The following PXK variants were observed in gnomAD, a reference collection of about 807,000 sequenced individuals.
PXK encodes the protein PX domain containing serine/threonine kinase like, also known as PX domain-containing protein kinase-like protein.
A neutral mutation model predicts 84.7 loss-of-function variants in PXK; 35 were observed. The ratio of observed to expected loss-of-function variants is 0.41; its 90% CI spans 0.32 to 0.55. The LOEUF is 0.55. Among genes scored for constraint, PXK ranks in the 20% least tolerant of loss-of-function variants. The pLI is 0.21. For synonymous variants in PXK, 253 were observed against 260.8 expected (o/e 0.97, Z 0.29); for missense variants, 634 against 699.7 (o/e 0.91, Z 1.06).
rs988629641 is a variant in PXK at position 58,421,615 on chromosome 3, A to G, written c.1529-3137A>G. Reference sequence around the variant, plus strand: ...GAACTGGAGGGAGGGACCCTCAGACATCCTGTCCACAAGGCTGTCAAGGGG... The same window carrying G: ...GAACTGGAGGGAGGGACCCTCAGACGTCCTGTCCACAAGGCTGTCAAGGGG... On this transcript the variant is annotated intron_variant, in intron 17 of 17. Coordinates refer to ENST00000356151, the MANE Select transcript of PXK (RefSeq NM_017771.5). The surrounding 1 kb of genome is among the most constrained non-coding windows in gnomAD (Gnocchi z 5.5). 9.1e-6 allele frequency: 9 copies of G among 988,288 alleles called. No homozygotes were observed. Among genetic ancestry groups the G allele is most frequent in the Non-Finnish European group, 1.1e-5 (9 of 830,384 alleles). The allele number at this position is 988,288 out of a possible 1,614,324, so 61.2% of individuals were successfully genotyped here. A position where few individuals can be genotyped will look rare whatever the true frequency, so the allele number is the denominator to read the frequency against.
rs762383949 is a variant in PXK, at chr3:58,397,716, G to T, written c.1096G>T (p.Ala366Ser). 12 of 1,612,554 alleles carry T rather than the reference G, an allele frequency of 7.4e-6. No individual in the cohort carries two copies. The South Asian group carries it at 1.3e-4, about 18-fold the overall frequency. Residue 366 changes from alanine (A) to serine (S), a missense_variant, in exon 11 of 18, where the codon GCT becomes TCT. Ala to Ser is a moderately conservative substitution (Grantham distance 99, BLOSUM62 1). Coordinates refer to ENST00000356151, the MANE Select transcript of PXK (RefSeq NM_017771.5). The surrounding 1 kb of genome is among the most constrained non-coding windows in gnomAD (Gnocchi z 4.7). ...VDSFPPAPSM[A>S]VVAVLESTLS... ...CTCCTTCCCTCCTGCCCCGTCCATG[G>T]CTGTGGGTCAGTATGGGGTTGGGAA...
chr3:58,342,958 G>A (rs140427937), intron 1 of PXK, among the ~76,000 whole-genome samples: 16 of 152,282 alleles, frequency 1.1e-4, no homozygotes, highest in South Asian at 2.1e-4. Context: ...GCCTGCTGTC[G>A]CAGCACCTCT....
In PXK at chr3:58,397,476, C is replaced by G; in HGVS notation, c.985-129C>G. The G allele has an allele frequency of 1.1e-6, 1 of 870,102 alleles. No individual in the cohort carries two copies. Among genetic ancestry groups the G allele is most frequent in the Non-Finnish European group, 1.9e-6 (1 of 528,178 alleles). 53.9% of individuals were successfully genotyped at this position (870,102 alleles called of 1,614,324 possible). On this transcript the variant is annotated intron_variant, in intron 10 of 17. Coordinates refer to ENST00000356151, the MANE Select transcript of PXK (RefSeq NM_017771.5). This position sits in a 1 kb window ranked among gnomAD's most constrained non-coding sequence, Gnocchi z 4.7. ...GGTTTTACAGAAGGCTTTGGAGTTGCATTTACGTTACCAATTAGGAACGGG... is the reference window on the plus strand; with the variant it reads ...GGTTTTACAGAAGGCTTTGGAGTTGGATTTACGTTACCAATTAGGAACGGG...
rs2060949110 is a variant in PXK, at chr3:58,416,315, A to G, written c.1528+3352A>G. Among the ~76,000 whole-genome samples, 1 of 152,214 alleles carries G rather than the reference A, an allele frequency of 6.6e-6. No homozygotes were observed. The highest frequency in any genetic ancestry group is 2.1e-4 in the South Asian group (1 of 4,836). ...CTTAATTACTTCTAGGGCTAGCTGG[A>G]TGCCTGGAATTTTTCTTAAAGGAAC... On this transcript the variant is annotated intron_variant, in intron 17 of 17. Coordinates refer to ENST00000356151, the MANE Select transcript of PXK (RefSeq NM_017771.5). The surrounding 1 kb of genome is among the most constrained non-coding windows in gnomAD (Gnocchi z 4.8).
In PXK at chr3:58,333,577, T is replaced by C. The variant is rs745469679; in HGVS notation, c.102+487T>C. On this transcript the variant is annotated intron_variant, in intron 1 of 17. Coordinates refer to ENST00000356151, the MANE Select transcript of PXK (RefSeq NM_017771.5). The surrounding 1 kb of genome is among the most constrained non-coding windows in gnomAD (Gnocchi z 5.4). ...GAAGTGTGACTCCAGAGCCTACTTG[T>C]TGGGACAGCAGAGTGTAAGTGGCTG... 12 of 456,628 alleles carry C rather than the reference T, an allele frequency of 2.6e-5. No homozygotes were observed. The highest frequency in any genetic ancestry group is 1.8e-5 in the Non-Finnish European group (4 of 226,974). 28.3% of individuals were successfully genotyped at this position (456,628 alleles called of 1,614,324 possible). A position where few individuals can be genotyped will look rare whatever the true frequency, so the allele number is the denominator to read the frequency against.
intron 13 of PXK, among the ~76,000 whole-genome samples, chr3:58,406,003 C>T (rs1228403049): frequency 6.6e-6 from 1 of 151,886 alleles, no homozygotes; most frequent in African/African-American, 2.4e-5. Context: ...GAGTCTCGCT[C>T]TTGTCACCCA....
At position 58,398,112 on chromosome 3, in the gene PXK, CAA is replaced by C. The variant is rs1328660833; in HGVS notation, c.1102+391_1102+392del. On this transcript the variant is annotated intron_variant, in intron 11 of 17. Coordinates refer to ENST00000356151, the MANE Select transcript of PXK (RefSeq NM_017771.5). This position sits in a 1 kb window ranked among gnomAD's most constrained non-coding sequence, Gnocchi z 4.5. ...AGACTGAAGTGAGACTTGTAAGAAA[CAA>C]GAGAGGCCAGGCATGGTGGCTCACA... Among the ~76,000 whole-genome samples the C allele has an allele frequency of 6.6e-6, 1 of 152,148 alleles. No individual in the cohort carries two copies. Among genetic ancestry groups the C allele is most frequent in the African/African-American group, 2.4e-5 (1 of 41,428 alleles).
chr3:58,407,528 A>G lies in PXK; in HGVS notation c.1231-1396A>G, dbSNP rs925060997. The stretch of plus-strand genomic sequence containing the variant: ...CTTTTACTCCGTTTTTCTTTGTTGC[A>G]CCAATGTTTTATTTATTTATTTATT... On this transcript the variant is annotated intron_variant, in intron 13 of 17. Transcript: ENST00000356151. This position sits in a 1 kb window ranked among gnomAD's most constrained non-coding sequence, Gnocchi z 4.3. 6.7e-6 allele frequency among the ~76,000 whole-genome samples: 1 copy of G among 148,610 alleles called. No individual in the cohort carries two copies. The highest frequency in any genetic ancestry group is 1.5e-5 in the Non-Finnish European group (1 of 67,276).
rs1228204092 is a variant in PXK at position 58,339,668 on chromosome 3, G to A, written c.102+6578G>A. Among the ~76,000 whole-genome samples, 3 of 152,166 alleles carry A rather than the reference G, an allele frequency of 2.0e-5. No individual in the cohort carries two copies. The East Asian group carries it at 5.8e-4, about 29-fold the overall frequency. ...TCCGAGTACCTGACTATAATTACTAGGAAGAAATCTAAGATTCTGGGGCTG... is the reference window on the plus strand; with the variant it reads ...TCCGAGTACCTGACTATAATTACTAAGAAGAAATCTAAGATTCTGGGGCTG... On this transcript the variant is annotated intron_variant, in intron 1 of 17. Coordinates refer to ENST00000356151, the MANE Select transcript of PXK (RefSeq NM_017771.5).
chr3:58,352,542 C>T (rs188042368), intron 1 of PXK, among the ~76,000 whole-genome samples: 4 of 152,244 alleles, frequency 2.6e-5, no homozygotes, highest in African/African-American at 9.6e-5. Flanking sequence ...TTTTTAATTA[C>T]TATTTAATTG....
intron 17 of PXK, among the ~76,000 whole-genome samples, chr3:58,423,893 T>C (rs995223987): frequency 6.6e-6 from 1 of 152,226 alleles, no homozygotes. Flanking sequence ...GCCTGGAAGC[T>C]GAGGGAAGTT....
chr3:58,393,681 A>T (rs780559410), intron 7 of PXK, among the ~76,000 whole-genome samples: 1 of 152,202 alleles, frequency 6.6e-6, no homozygotes, highest in Non-Finnish European at 1.5e-5. Context: ...TTTTTGCTAA[A>T]CATTATACCC....
In PXK at chr3:58,333,052, GC is replaced by G; in HGVS notation, c.65del (p.Ala22GlufsTer50). 1 of 1,341,128 alleles carries G rather than the reference GC, an allele frequency of 7.5e-7. No homozygotes were observed. Among genetic ancestry groups the G allele is most frequent in the South Asian group, 1.5e-5 (1 of 64,812 alleles). 83.1% of individuals were successfully genotyped at this position (1,341,128 alleles called of 1,614,324 possible). ...GCTGGACGACACGGTGCCGCTGACA[GC>G]AGCCATCGAGGCGAGCCAGAGCCTG... is the stretch of plus-strand genomic sequence containing the variant. ...VLLDDTVPLT[A>X]AIEASQSLQS... is the part of the protein sequence containing the mutation. On this transcript the variant is annotated frameshift_variant, in exon 1 of 18. Coordinates refer to ENST00000356151, the MANE Select transcript of PXK (RefSeq NM_017771.5). LOFTEE classifies it high-confidence loss of function. The surrounding 1 kb of genome is among the most constrained non-coding windows in gnomAD (Gnocchi z 5.4).
rs188217456 is a variant in PXK, at chr3:58,391,688, T to G, written c.541-85T>G. On this transcript the variant is annotated intron_variant, in intron 6 of 17. Coordinates refer to ENST00000356151, the MANE Select transcript of PXK (RefSeq NM_017771.5). ...TCGTCTTTGGTTTCCAGTCATATTT[T>G]GGATAATAAAATTAAAGGGAAAGAC... The G allele has an allele frequency of 3.8e-5, 47 of 1,232,668 alleles. 1 individual carries two copies. The African/African-American group carries it at 6.4e-4, about 17-fold the overall frequency. 76.4% of individuals were successfully genotyped at this position (1,232,668 alleles called of 1,614,324 possible).
chr3:58,420,719 C>G, intron 17 of PXK: 1 of 1,451,904 alleles, frequency 6.9e-7, no homozygotes, highest in Non-Finnish European at 9.0e-7. Flanking sequence ...AAATGAAATA[C>G]AGCATCTTTA....
chr3:58,361,309 A>G (rs1318263356), intron 1 of PXK, among the ~76,000 whole-genome samples: 1 of 151,534 alleles, frequency 6.6e-6, no homozygotes, highest in Non-Finnish European at 1.5e-5. Context: ...AAAAAAAAAA[A>G]AAAAAAAAAA....
intron 1 of PXK, among the ~76,000 whole-genome samples, chr3:58,351,702 G>A (rs1484237004): frequency 1.3e-5 from 2 of 151,918 alleles, no homozygotes; most frequent in Non-Finnish European, 1.5e-5. Context: ...AAAAAAAATA[G>A]CCAAAAGTGG....
At chr3:58,341,675 T>C (rs2097734089) in intron 1 of PXK, among the ~76,000 whole-genome samples, 1 of 152,008 alleles carries the variant, frequency 6.6e-6, no homozygotes, top group Non-Finnish European at 1.5e-5. Flanking sequence ...TTCATCACCA[T>C]AATCAATCTT....
At chr3:58,371,522 A>G (rs902357222) in intron 3 of PXK, among the ~76,000 whole-genome samples, 2 of 152,206 alleles carry the variant, frequency 1.3e-5, no homozygotes, top group South Asian at 2.1e-4. Flanking sequence ...TCTTTGTACA[A>G]TGTCATTCAG....
Sources: gnomAD v4.1 joint callset for allele counts (sites outside exome capture counted in the v4.1 genomes callset) on GRCh38, gnomAD v4.1.1 for gene constraint, Gnocchi (gnomAD v3.1) non-coding constraint, MANE v1.5 for transcripts, NCBI Gene and HGNC (gene_info 2026-07-23, HGNC 2026-07-21) for gene names.